Variants in CCL26 observed in about 807,000 individuals in gnomAD.
CCL26 encodes C-C motif chemokine 26.
In CCL26, 10 loss-of-function variants were observed where a neutral mutation model predicts 10.7. That is an observed-to-expected ratio of 0.93 (90% CI 0.57 to 1.58). The LOEUF is 1.58. Among genes scored for constraint, CCL26 ranks in the 40% most tolerant of loss-of-function variants. The probability of loss-of-function intolerance (pLI) is 0.00; values close to 1 mark genes in which losing one functional copy is unlikely to be tolerated. For missense variants in CCL26, 116 were observed against 111.0 expected (o/e 1.05, Z -0.20); for synonymous variants, 43 against 41.4 (o/e 1.04, Z -0.15).
chr7:75,770,069 A>AT lies in CCL26; in HGVS notation c.189-281dup, dbSNP rs10540427. On this transcript the variant is annotated intron_variant, in intron 2 of 2. Transcript: ENST00000005180. ...CATGTAACCTGCACCAGGACACTTAATTTTTTTTTTTTTTTTTTGAGACGA... is the reference window on the plus strand; with the variant it reads ...CATGTAACCTGCACCAGGACACTTAATTTTTTTTTTTTTTTTTTTGAGACGA... Among the ~76,000 whole-genome samples, 950 of 144,438 alleles carry AT rather than the reference A, an allele frequency of 6.6e-3. 12 individuals are homozygous for AT. The highest frequency in any genetic ancestry group is 0.055 in the East Asian group (268 of 4,868). 94.8% of individuals were successfully genotyped at this position (144,438 alleles called of 152,430 possible).
At position 75,769,579 on chromosome 7, in the gene CCL26, C is replaced by T; in HGVS notation, c.*114G>A. On this transcript the variant is annotated 3_prime_UTR_variant, in exon 3 of 3. Coordinates refer to ENST00000005180, the MANE Select transcript of CCL26 (RefSeq NM_001371938.1). ...ATTAAAGTAACTCTGGGAGGAAACA[C>T]CCTCTCCTCCCCAGCGGGTCCATGT... The T allele has an allele frequency of 1.6e-6, 1 of 617,426 alleles. No individual in the cohort carries two copies. Among genetic ancestry groups the T allele is most frequent in the Non-Finnish European group, 3.0e-6 (1 of 338,170 alleles). 38.2% of individuals were successfully genotyped at this position (617,426 alleles called of 1,614,324 possible).
chr7:75,770,313 G>T (rs180968733), intron 2 of CCL26, among the ~76,000 whole-genome samples: 9 of 152,092 alleles, frequency 5.9e-5, no homozygotes, highest in African/African-American at 1.2e-4. Context: ...CAGGTGATCC[G>T]CCTGTGTTGG....
intron 1 of CCL26, among the ~76,000 whole-genome samples, chr7:75,784,296 G>A (rs1465969439): frequency 4.6e-5 from 7 of 152,178 alleles, no homozygotes; most frequent in Non-Finnish European, 5.9e-5. Flanking sequence ...ACTGGAAATC[G>A]GAATGTCCAA....
At chr7:75,790,170 C>CTTT, upstream of CCL26, among the ~76,000 whole-genome samples, 1 of 45,498 alleles carries the variant, frequency 2.2e-5, no homozygotes, top group East Asian at 1.3e-3. Context: ...TTCCTTCCTT[C>CTTT]CTTCCTTCCT....
At chr7:75,772,311 A>G (rs1802842125), upstream of CCL26, 1 of 646,104 alleles carries the variant, frequency 1.5e-6, no homozygotes, top group Non-Finnish European at 2.8e-6. Context: ...CTTTTGACCC[A>G]ACAAAGGAAA....
chr7:75,784,102 C>T (rs572532339), intron 1 of CCL26, among the ~76,000 whole-genome samples: 44 of 152,314 alleles, frequency 2.9e-4, no homozygotes, highest in Admixed American at 4.6e-4. Context: ...CACTGTGAGA[C>T]AAACCCCAGC....
upstream of CCL26, among the ~76,000 whole-genome samples, chr7:75,790,511 C>T (rs1358848503): frequency 6.6e-6 from 1 of 151,942 alleles, no homozygotes; most frequent in Non-Finnish European, 1.5e-5. Context: ...GTGATCCTCC[C>T]ACCTCAGCCT....
chr7:75,779,796 T>C (rs1277030089), intron 1 of CCL26, among the ~76,000 whole-genome samples: 3 of 152,316 alleles, frequency 2.0e-5, no homozygotes, highest in South Asian at 4.1e-4. Context: ...GGACGCCTGC[T>C]TTGGCTGCTC....
At chr7:75,790,243 C>CT (rs1803304949), upstream of CCL26, among the ~76,000 whole-genome samples, 17 of 129,740 alleles carry the variant, frequency 1.3e-4, no homozygotes, top group South Asian at 1.3e-3. Context: ...TCCTTCCATC[C>CT]TCCCTCCCTC....
chr7:75,791,013 CT>C (rs35608337), upstream of CCL26, among the ~76,000 whole-genome samples: 57,998 of 134,136 alleles, frequency 0.43, 10,796 homozygotes, highest in East Asian at 0.62. Flanking sequence ...GAAACTCCTC[CT>C]TTTTTTTTTT....
At chr7:75,773,990 G>A (rs1802884094), upstream of CCL26, among the ~76,000 whole-genome samples, 1 of 151,846 alleles carries the variant, frequency 6.6e-6, no homozygotes, top group South Asian at 2.1e-4. Flanking sequence ...GGATTATAGG[G>A]GAGAGCCACC....
upstream of CCL26, among the ~76,000 whole-genome samples, chr7:75,775,756 C>T (rs868987581): frequency 2.6e-5 from 4 of 152,156 alleles, no homozygotes; most frequent in Non-Finnish European, 1.5e-5. Context: ...TGAAGGGATA[C>T]GGGGAGTTAC....
chr7:75,771,857 G>A lies in CCL26; in HGVS notation c.188+32C>T, dbSNP rs782788223. The A allele has an allele frequency of 2.6e-5, 39 of 1,494,038 alleles. No individual in the cohort carries two copies. In the South Asian group the frequency reaches 4.2e-4, roughly 16 times the overall value. The allele number at this position is 1,494,038 out of a possible 1,614,324, so 92.5% of individuals were successfully genotyped here. ...ACCCATCCTGTTGCATGACTGATGG[G>A]GCCCCAGAAAGTACGTCCGAGAAAT... On this transcript the variant is annotated intron_variant, in intron 2 of 2. Coordinates refer to ENST00000005180, the MANE Select transcript of CCL26 (RefSeq NM_001371938.1).
upstream of CCL26, among the ~76,000 whole-genome samples, chr7:75,791,315 C>G (rs553256914): frequency 2.0e-5 from 3 of 152,190 alleles, no homozygotes; most frequent in East Asian, 3.9e-4. Flanking sequence ...TGAGCCACCA[C>G]GCCTGGCTGA....
intron 1 of CCL26, among the ~76,000 whole-genome samples, chr7:75,786,851 C>T (rs1418645747): frequency 6.6e-6 from 1 of 152,200 alleles, no homozygotes; most frequent in Non-Finnish European, 1.5e-5. Flanking sequence ...ATTTCATAAC[C>T]TCTTCCATGT....
In CCL26 at chr7:75,769,629, C is replaced by A; in HGVS notation, c.*64G>T. ...TAGCCTTCAGAAAAGATTCCGCAGG[C>A]TCCCCAGAGGGCTGCAGAGCCAAGA... On this transcript the variant is annotated 3_prime_UTR_variant, in exon 3 of 3. Transcript: ENST00000005180. The A allele has an allele frequency of 9.4e-7, 1 of 1,068,730 alleles. No individual in the cohort carries two copies. The highest frequency in any genetic ancestry group is 1.3e-5 in the South Asian group (1 of 77,286). 66.2% of individuals were successfully genotyped at this position (1,068,730 alleles called of 1,614,324 possible).
chr7:75,778,848 T>TTGGG (rs59030718), intron 1 of CCL26, among the ~76,000 whole-genome samples: 2 of 149,142 alleles, frequency 1.3e-5, no homozygotes, highest in African/African-American at 5.1e-5. Flanking sequence ...GAGGCCAAGG[T>TTGGG]GGGGGGGGCA....
rs370608773 is a variant in CCL26 at position 75,786,511 on chromosome 7, G to T, written c.-79+3206C>A. Among the ~76,000 whole-genome samples, 111 of 152,200 alleles carry T rather than the reference G, an allele frequency of 7.3e-4. 1 individual carries two copies. Among genetic ancestry groups the T allele is most frequent in the South Asian group, 2.7e-3 (13 of 4,812 alleles). ...ACCATACTGTTTTATGGGCTGAAAGGTTTCCTCCCTCGTAAGGGTCCTCCA... is the reference window on the plus strand; with the variant it reads ...ACCATACTGTTTTATGGGCTGAAAGTTTTCCTCCCTCGTAAGGGTCCTCCA... On this transcript the variant is annotated intron_variant, in intron 1 of 3. Transcript: ENST00000394905.
At chr7:75,776,650 G>A (rs1182351748), upstream of CCL26, among the ~76,000 whole-genome samples, 2 of 152,018 alleles carry the variant, frequency 1.3e-5, no homozygotes, top group African/African-American at 4.8e-5. Flanking sequence ...TGGCTGAGGC[G>A]TGAACACTTT....
Sources: allele counts gnomAD v4.1 joint callset (sites outside exome capture counted in the v4.1 genomes callset), GRCh38; gene constraint gnomAD v4.1.1; transcripts MANE v1.5; gene names NCBI Gene and HGNC (gene_info 2026-07-23, HGNC 2026-07-21).